Variants in TAFA1 observed in about 807,000 individuals in gnomAD.
TAFA1 encodes chemokine-like protein TAFA-1.
TAFA1 carries 4 observed loss-of-function variants against 18.5 expected under a neutral mutation model. That is an observed-to-expected ratio of 0.22 (90% CI 0.11 to 0.49). The LOEUF (loss-of-function observed/expected upper bound fraction) is 0.49, where lower values mean the gene tolerates loss of function less well. TAFA1 is among the 20% of genes least tolerant of loss of function. The pLI is 0.98. For synonymous variants in TAFA1, 56 were observed against 55.2 expected, an observed-to-expected ratio of 1.01 and a Z score of -0.06; for missense variants, 147 against 169.0, an observed-to-expected ratio of 0.87 and a Z score of 0.72.
chr3:68,402,111 C>T (rs916460815), intron 2 of TAFA1, among the ~76,000 whole-genome samples: 1 of 152,170 alleles, frequency 6.6e-6, no homozygotes, highest in African/African-American at 2.4e-5. Context: ...ACCCAGAAGA[C>T]AAAACTAGCT....
intron 2 of TAFA1, among the ~76,000 whole-genome samples, chr3:68,054,765 G>T (rs1264570455): frequency 6.6e-6 from 1 of 152,174 alleles, no homozygotes; most frequent in Non-Finnish European, 1.5e-5. Flanking sequence ...GAGTTTAATT[G>T]ATTGGGGTTA....
At chr3:68,145,441 A>G (rs902259466) in intron 2 of TAFA1, 4 of 863,608 alleles carry the variant, frequency 4.6e-6, no homozygotes, top group African/African-American at 3.3e-5. Flanking sequence ...AGGCTGTGAA[A>G]GGCTTATTAG....
At chr3:68,501,672 C>T (rs781009859) in intron 3 of TAFA1, among the ~76,000 whole-genome samples, 6 of 152,236 alleles carry the variant, frequency 3.9e-5, no homozygotes, top group African/African-American at 1.2e-4. Flanking sequence ...ATAGACAAAA[C>T]TGTGGTCAGT....
chr3:68,322,768 C>T (rs544618186), intron 2 of TAFA1, among the ~76,000 whole-genome samples: 4 of 152,134 alleles, frequency 2.6e-5, no homozygotes, highest in South Asian at 4.1e-4. Context: ...CATGGTGAAA[C>T]CCCATTTCTA....
chr3:68,307,523 CAT>C (rs1559609944), intron 2 of TAFA1, among the ~76,000 whole-genome samples: 1 of 152,142 alleles, frequency 6.6e-6, no homozygotes, highest in Non-Finnish European at 1.5e-5. Flanking sequence ...AATAATATGA[CAT>C]GTTAATTTTT....
At chr3:68,507,229 C>T (rs954206883) in intron 3 of TAFA1, among the ~76,000 whole-genome samples, 18 of 151,990 alleles carry the variant, frequency 1.2e-4, no homozygotes, top group Non-Finnish European at 2.9e-5. Context: ...CATAGAGCCA[C>T]CACTGGGCCC....
intron 2 of TAFA1, among the ~76,000 whole-genome samples, chr3:68,291,833 G>C (rs891077187): frequency 1.3e-5 from 2 of 152,020 alleles, no homozygotes; most frequent in African/African-American, 4.8e-5. Context: ...AGAATCCTGG[G>C]TCACCTGCCA....
At chr3:68,069,883 A>G (rs1559725090) in intron 2 of TAFA1, among the ~76,000 whole-genome samples, 1 of 152,204 alleles carries the variant, frequency 6.6e-6, no homozygotes, top group Non-Finnish European at 1.5e-5. Context: ...GGTCACACTG[A>G]TGCAAGAGGT....
At chr3:68,367,747 CTGTTTGTT>C (rs145539567) in intron 2 of TAFA1, among the ~76,000 whole-genome samples, 1 of 152,022 alleles carries the variant, frequency 6.6e-6, no homozygotes, top group African/African-American at 2.4e-5. Flanking sequence ...CTTGTGTTGC[CTGTTTGTT>C]TGTTTGTTTG....
rs773025236 is a variant in TAFA1, at chr3:68,305,409, C to CTATATATATATATA, written c.119-111836_119-111823dup. 5.5e-4 allele frequency among the ~76,000 whole-genome samples: 21 copies of CTATATATATATATA among 38,196 alleles called. 2 individuals carry two copies. The highest frequency in any genetic ancestry group is 1.2e-3 in the South Asian group (1 of 820). 25.1% of individuals were successfully genotyped at this position (38,196 alleles called of 152,430 possible). A position where few individuals can be genotyped will look rare whatever the true frequency, so the allele number is the denominator to read the frequency against. On this transcript the variant is annotated intron_variant, in intron 2 of 4. Coordinates refer to ENST00000478136, the MANE Select transcript of TAFA1 (RefSeq NM_213609.4). ...TATATGACTATATATGACTATATGA[C>CTATATATATATATA]TATATATATATATATATATATATAT... is the stretch of plus-strand genomic sequence containing the variant.
intron 2 of TAFA1, among the ~76,000 whole-genome samples, chr3:68,113,509 A>G (rs888115603): frequency 6.6e-6 from 1 of 152,246 alleles, no homozygotes; most frequent in Admixed American, 6.5e-5. Context: ...GAAGATTTTA[A>G]TAAATAGGAC....
chr3:68,464,467 A>G (rs2071845062), intron 3 of TAFA1, among the ~76,000 whole-genome samples: 1 of 152,134 alleles, frequency 6.6e-6, no homozygotes, highest in Admixed American at 6.6e-5. Context: ...GTGGGGAGCG[A>G]TGACAGCAGG....
chr3:68,379,198 C>A (rs754734495), intron 2 of TAFA1, among the ~76,000 whole-genome samples: 12 of 152,044 alleles, frequency 7.9e-5, no homozygotes, highest in Non-Finnish European at 1.5e-4. Context: ...TTAATAATAC[C>A]CATTCTGATT....
chr3:68,145,279 C>T (rs2065724739), intron 2 of TAFA1: 3 of 788,362 alleles, frequency 3.8e-6, no homozygotes, highest in Non-Finnish European at 7.0e-6. Context: ...TCTATACAAC[C>T]ATCAACGCTC....
intron 2 of TAFA1, among the ~76,000 whole-genome samples, chr3:68,396,880 T>A (rs1192102704): frequency 1.3e-5 from 2 of 152,308 alleles, no homozygotes; most frequent in Non-Finnish European, 2.9e-5. Context: ...ATAAGAACAT[T>A]TTTAAATGAA....
intron 2 of TAFA1, among the ~76,000 whole-genome samples, chr3:68,210,436 GTA>G (rs2066581784): frequency 6.6e-6 from 1 of 151,982 alleles, no homozygotes; most frequent in Non-Finnish European, 1.5e-5. Flanking sequence ...AGTCTGGTGG[GTA>G]TAGACTTGGG....
chr3:68,221,987 G>A (rs2066737133), intron 2 of TAFA1, among the ~76,000 whole-genome samples: 1 of 152,170 alleles, frequency 6.6e-6, no homozygotes, highest in Non-Finnish European at 1.5e-5. Context: ...ACTGTGGAGA[G>A]CTTACTCCCT....
intron 2 of TAFA1, among the ~76,000 whole-genome samples, chr3:68,282,557 T>C (rs75644115): frequency 0.017 from 2,631 of 152,280 alleles, 86 homozygotes; most frequent in East Asian, 0.13. Context: ...TTCCCTTGAA[T>C]GTGAGACAAG....
chr3:68,196,457 C>G (rs371922165), intron 2 of TAFA1, among the ~76,000 whole-genome samples: 22 of 151,668 alleles, frequency 1.5e-4, no homozygotes, highest in African/African-American at 4.8e-4. Flanking sequence ...TTCTGATTCA[C>G]CTGCTTTCCA....
Sources: allele counts gnomAD v4.1 joint callset (sites outside exome capture counted in the v4.1 genomes callset), GRCh38; gene constraint gnomAD v4.1.1; transcripts MANE v1.5; gene names NCBI Gene and HGNC (gene_info 2026-07-23, HGNC 2026-07-21).